Variants in ANKRD29 observed in about 807,000 individuals in gnomAD.
The protein encoded by ANKRD29 is ankyrin repeat domain 29, also known as ankyrin repeat domain-containing protein 29.
In ANKRD29, 32 loss-of-function variants were observed where a neutral mutation model predicts 38.0. The observed-to-expected ratio is 0.84, with a 90% CI of 0.64 to 1.13. ANKRD29 has a LOEUF of 1.13. ANKRD29 is among the 50% of genes most tolerant of loss of function. The pLI is 0.00. For synonymous variants in ANKRD29, 135 were observed against 152.4 expected (o/e 0.89, Z 0.84); for missense variants, 357 against 377.9 (o/e 0.94, Z 0.46).
At chr18:23,654,320 A>AATC (rs1568053167) in intron 1 of ANKRD29, among the ~76,000 whole-genome samples, 112 of 146,204 alleles carry the variant, frequency 7.7e-4, no homozygotes, top group African/African-American at 2.6e-3. Context: ...ATAAATAAAT[A>AATC]AATAAATCCA....
chr18:23,601,193 G>A lies in ANKRD29; in HGVS notation c.*33C>T. The A allele has an allele frequency of 6.3e-7, 1 of 1,584,410 alleles. No individual in the cohort carries two copies. On this transcript the variant is annotated 3_prime_UTR_variant, in exon 10 of 10. Transcript: ENST00000592179. The stretch of plus-strand genomic sequence containing the variant: ...ATTTCTTTTTGGACAATGTGGTTAA[G>A]CTTTCTATCTTTCTGTCAAATATGG...
chr18:23,641,180 G>C (rs936555730), intron 3 of ANKRD29, among the ~76,000 whole-genome samples: 1 of 152,252 alleles, frequency 6.6e-6, no homozygotes. Flanking sequence ...CCACACGGGA[G>C]GTGCAGCTGG....
At chr18:23,618,285 C>T (rs931309066) in intron 7 of ANKRD29, among the ~76,000 whole-genome samples, 6 of 152,184 alleles carry the variant, frequency 3.9e-5, no homozygotes, top group Non-Finnish European at 7.3e-5. Context: ...GGCATCCGCC[C>T]GTGTGTGGGT....
intron 8 of ANKRD29, among the ~76,000 whole-genome samples, chr18:23,616,565 C>CTATATAT (rs1568013693): frequency 7.2e-6 from 1 of 138,332 alleles, no homozygotes; most frequent in East Asian, 2.2e-4. Context: ...TATATATATA[C>CTATATAT]ACTATATATA....
In ANKRD29 at chr18:23,601,300, G is replaced by T. The variant is rs766633849; in HGVS notation, c.832C>A (p.Leu278Ile). The T allele has an allele frequency of 6.2e-6, 10 of 1,614,032 alleles. No homozygotes were observed. The East Asian group carries it at 6.7e-5, about 11-fold the overall frequency. The change falls in exon 10 of 10, where the codon CTT becomes ATT. Residue 278 changes from leucine to isoleucine, a missense_variant. Leu to Ile is a conservative substitution (Grantham distance 5, BLOSUM62 2). Transcript: ENST00000592179. ...TCATTTTTGGTTAGTTCTGCCGGAAGTTCATTGGCCTGAAAGAAGAGAAGA... is the reference window on the plus strand; with the variant it reads ...TCATTTTTGGTTAGTTCTGCCGGAATTTCATTGGCCTGAAAGAAGAGAAGA... ...DPSLRNKANE[L>I]PAELTKNERI... is the part of the protein sequence containing the mutation.
intron 5 of ANKRD29, among the ~76,000 whole-genome samples, chr18:23,631,125 C>T (rs984174462): frequency 2.0e-5 from 3 of 151,688 alleles, no homozygotes; most frequent in Non-Finnish European, 2.9e-5. Context: ...CAGCTGGGTA[C>T]GATGGCATAC....
At chr18:23,630,040 G>A (rs2059909847) in intron 5 of ANKRD29, 89 bp from the exon 6 acceptor site, 3 of 1,077,216 alleles carry the variant, frequency 2.8e-6, no homozygotes, top group Non-Finnish European at 4.1e-6. Flanking sequence ...GCTCATGCCT[G>A]TAATCACAGC....
intron 1 of ANKRD29, among the ~76,000 whole-genome samples, chr18:23,651,380 C>T (rs573916282): frequency 5.9e-5 from 9 of 152,310 alleles, no homozygotes; most frequent in African/African-American, 1.9e-4. Flanking sequence ...AGCTTAGGCA[C>T]CAGGCTGGGT....
At chr18:23,660,708 G>A (rs548443109) in intron 1 of ANKRD29, among the ~76,000 whole-genome samples, 1 of 152,326 alleles carries the variant, frequency 6.6e-6, no homozygotes, top group Admixed American at 6.5e-5. Flanking sequence ...TCAGGAGGCT[G>A]AGCCAGGAGA....
At chr18:23,662,301 A>T (rs2060373732) in intron 1 of ANKRD29, among the ~76,000 whole-genome samples, 1 of 152,056 alleles carries the variant, frequency 6.6e-6, no homozygotes, top group South Asian at 2.1e-4. Context: ...TCCGGGGAGG[A>T]GGCATCCGTG....
chr18:23,655,169 C>T (rs796891581), intron 1 of ANKRD29, among the ~76,000 whole-genome samples: 5 of 122,886 alleles, frequency 4.1e-5, no homozygotes, highest in African/African-American at 1.5e-4. Flanking sequence ...AATTTTAAGC[C>T]CCCCCACTGA....
At chr18:23,638,447 C>T (rs1287556890) in intron 4 of ANKRD29, among the ~76,000 whole-genome samples, 1 of 152,076 alleles carries the variant, frequency 6.6e-6, no homozygotes, top group Non-Finnish European at 1.5e-5. Flanking sequence ...CTAGTAGGAT[C>T]AGATTAATAC....
chr18:23,615,919 GTATGTATATATTATATAGTATATAATATA>G (rs2059705768), intron 8 of ANKRD29, among the ~76,000 whole-genome samples: 1 of 139,172 alleles, frequency 7.2e-6, no homozygotes, highest in African/African-American at 2.7e-5. Flanking sequence ...ATACTATATA[GTATGTATATATTATATAGTATATAATATA>G]TACATACTAT....
At chr18:23,603,156 T>C (rs2059534214) in intron 9 of ANKRD29, among the ~76,000 whole-genome samples, 1 of 152,246 alleles carries the variant, frequency 6.6e-6, no homozygotes, top group African/African-American at 2.4e-5. Context: ...AATGGTAGTT[T>C]CTTAAAGGTT....
intron 3 of ANKRD29, among the ~76,000 whole-genome samples, chr18:23,645,770 C>T (rs2060131029): frequency 6.6e-6 from 1 of 152,132 alleles, no homozygotes; most frequent in Non-Finnish European, 1.5e-5. Context: ...CCTTTGAAAA[C>T]ATGGTTTGGG....
intron 4 of ANKRD29, among the ~76,000 whole-genome samples, chr18:23,637,490 C>T (rs961557980): frequency 5.3e-5 from 8 of 152,100 alleles, no homozygotes; most frequent in South Asian, 2.1e-4. Context: ...CTTGACCTCT[C>T]GGGCTCAAGT....
In ANKRD29 at chr18:23,649,878, C is replaced by T. The variant is rs34612248; in HGVS notation, c.22-685G>A. Reference sequence around the variant, plus strand: ...CTGAGTAGCTGGGACTACAGGCGTGCGCCACCATGCCCAGCTAATTTTTGT... The same window carrying T: ...CTGAGTAGCTGGGACTACAGGCGTGTGCCACCATGCCCAGCTAATTTTTGT... On this transcript the variant is annotated intron_variant, in intron 1 of 9. Coordinates refer to ENST00000592179, the MANE Select transcript of ANKRD29 (RefSeq NM_173505.4). 8.6e-3 allele frequency among the ~76,000 whole-genome samples: 1,314 copies of T among 152,082 alleles called. 6 individuals carry two copies. Among genetic ancestry groups the T allele is most frequent in the Non-Finnish European group, 0.014 (966 of 67,954 alleles).
At chr18:23,628,418 A>G (rs376958080) in intron 6 of ANKRD29, among the ~76,000 whole-genome samples, 2 of 152,326 alleles carry the variant, frequency 1.3e-5, no homozygotes, top group East Asian at 3.9e-4. Context: ...GAACACAGAG[A>G]GGCATTCCTG....
intron 6 of ANKRD29, among the ~76,000 whole-genome samples, chr18:23,629,045 C>T (rs866295956): frequency 6.6e-6 from 1 of 152,198 alleles, no homozygotes; most frequent in African/African-American, 2.4e-5. Flanking sequence ...AGTGCAGAGG[C>T]GCGATCTCGG....
Sources: allele counts gnomAD v4.1 joint callset (sites outside exome capture counted in the v4.1 genomes callset), GRCh38; gene constraint gnomAD v4.1.1; transcripts MANE v1.5; gene names NCBI Gene and HGNC (gene_info 2026-07-23, HGNC 2026-07-21).